The following EFCAB5 variants were observed in gnomAD, a reference collection of about 807,000 sequenced individuals.
EFCAB5 encodes the protein EF-hand calcium-binding domain-containing protein 5.
A neutral mutation model predicts 167.9 loss-of-function variants in EFCAB5; 131 were observed. That is an observed-to-expected ratio of 0.78 (90% CI 0.68 to 0.90). The LOEUF is 0.90. Ranked by LOEUF, EFCAB5 falls within the 40% of genes least tolerant of loss-of-function variation. The probability of loss-of-function intolerance (pLI) is 0.00; values close to 1 mark genes in which losing one functional copy is unlikely to be tolerated. For missense variants in EFCAB5, 1,663 were observed against 1,745.2 expected (o/e 0.95, Z 0.84); for synonymous variants, 574 against 602.8 (o/e 0.95, Z 0.70).
intron 7 of EFCAB5, among the ~76,000 whole-genome samples, chr17:30,026,031 AG>A (rs2069312142): frequency 7.1e-6 from 1 of 141,790 alleles, no homozygotes; most frequent in Non-Finnish European, 1.5e-5. Flanking sequence ...GGGTGGGCGG[AG>A]GGGGGAGGGA....
At chr17:30,054,178 T>A in intron 10 of EFCAB5, 30 bp downstream of exon 10, 1 of 1,485,096 alleles carries the variant, frequency 6.7e-7, no homozygotes, top group Non-Finnish European at 8.9e-7. Context: ...ACAACATCAG[T>A]TCCCTGTTTT....
rs756778065 is a variant in EFCAB5, at chr17:30,078,435, A to T, written c.2958A>T (p.Gln986His). ...SARRKWLHQI[Q>H]CAAETSGVSL... ...GGCGGAAATGGCTGCACCAAATCCA[A>T]TGTGCTGCAGAGACAAGTGGGGTGT... The change falls in exon 15 of 23, where the codon CAA becomes CAT. Residue 986 changes from glutamine to histidine, a missense_variant. Physicochemically the swap from Gln to His is conservative, Grantham distance 24 (BLOSUM62 0). Coordinates refer to ENST00000394835, the MANE Select transcript of EFCAB5 (RefSeq NM_198529.4). 1 of 1,613,944 alleles carries T rather than the reference A, an allele frequency of 6.2e-7. No individual in the cohort carries two copies. Among genetic ancestry groups the T allele is most frequent in the Non-Finnish European group, 8.5e-7 (1 of 1,179,858 alleles).
chr17:29,970,860 A>G (rs1404885332), intron 4 of EFCAB5, among the ~76,000 whole-genome samples: 1 of 152,152 alleles, frequency 6.6e-6, no homozygotes, highest in Admixed American at 6.5e-5. Context: ...TGATCACCTG[A>G]GGTCAGGAGT....
At chr17:29,963,286 T>C (rs1468917094) in intron 3 of EFCAB5, among the ~76,000 whole-genome samples, 14 of 152,192 alleles carry the variant, frequency 9.2e-5, no homozygotes, top group Non-Finnish European at 2.1e-4. Context: ...TTTAGGAATG[T>C]TCTCTCCATA....
At chr17:30,059,329 G>C in intron 13 of EFCAB5, 1 of 364,846 alleles carries the variant, frequency 2.7e-6, no homozygotes, top group Non-Finnish European at 4.8e-6. Context: ...CCAACTCCCG[G>C]CCTCAAGCGA....
rs759411723 is a variant in EFCAB5, at chr17:29,934,147, G to A, written c.-127+4818G>A. On this transcript the variant is annotated intron_variant, in intron 1 of 3. Coordinates refer to the EFCAB5 transcript ENST00000448319. ...TACAGGATTTTATGATTGAAATGAC[G>A]GCTTGCAGTTCTTGAATGAGACAGT... Among the ~76,000 whole-genome samples the A allele has an allele frequency of 6.6e-5, 10 of 152,190 alleles. No individual in the cohort carries two copies. The East Asian group carries it at 9.6e-4, about 15-fold the overall frequency.
intron 7 of EFCAB5, among the ~76,000 whole-genome samples, chr17:30,014,767 G>A (rs1258378241): frequency 6.6e-6 from 1 of 152,146 alleles, no homozygotes; most frequent in Non-Finnish European, 1.5e-5. Flanking sequence ...GCCAGTCTGT[G>A]TCTTTTAATT....
chr17:30,003,304 C>G (rs977301030), intron 7 of EFCAB5, among the ~76,000 whole-genome samples: 1 of 152,112 alleles, frequency 6.6e-6, no homozygotes, highest in African/African-American at 2.4e-5. Flanking sequence ...GGCATGATCG[C>G]GGCTCACTGC....
At chr17:29,987,025 T>C (rs1415291201) in intron 4 of EFCAB5, among the ~76,000 whole-genome samples, 1 of 152,220 alleles carries the variant, frequency 6.6e-6, no homozygotes, top group African/African-American at 2.4e-5. Context: ...CCAGGCATTA[T>C]TGCCAGCCAA....
intron 8 of EFCAB5, among the ~76,000 whole-genome samples, chr17:30,047,325 G>A (rs2069955794): frequency 6.6e-6 from 1 of 152,076 alleles, no homozygotes; most frequent in African/African-American, 2.4e-5. Flanking sequence ...ACATTCCCTT[G>A]AGAAATAACT....
At chr17:29,982,970 C>T (rs1209264642) in intron 4 of EFCAB5, among the ~76,000 whole-genome samples, 2 of 152,198 alleles carry the variant, frequency 1.3e-5, no homozygotes, top group South Asian at 4.1e-4. Context: ...AACACTCATT[C>T]ATATAGGAAA....
chr17:29,934,425 C>T (rs1237718675), intron 1 of EFCAB5, among the ~76,000 whole-genome samples: 1 of 152,136 alleles, frequency 6.6e-6, no homozygotes, highest in Non-Finnish European at 1.5e-5. Context: ...GTCTAATTTG[C>T]AGAGTTAGAT....
At position 29,969,122 on chromosome 17, in the gene EFCAB5, G is replaced by T. The variant is rs2067896574; in HGVS notation, c.522G>T (p.Leu174Phe). 2 of 1,613,682 alleles carry T rather than the reference G, an allele frequency of 1.2e-6. No homozygotes were observed. Among genetic ancestry groups the T allele is most frequent in the South Asian group, 1.1e-5 (1 of 91,064 alleles). Residue 174 changes from leucine (L) to phenylalanine (F), a missense_variant, in exon 4 of 23, where the codon TTG becomes TTT. Leu to Phe is a conservative substitution (Grantham distance 22, BLOSUM62 0). Coordinates refer to ENST00000394835, the MANE Select transcript of EFCAB5 (RefSeq NM_198529.4). ...DSMTLNNTAY[L>F]LDKLLPTLVP... ...TGACACTGAATAATACTGCATATTT[G>T]CTTGACAAACTTCTACCCACCTTAG...
chr17:29,961,991 A>G (rs2067728878), intron 3 of EFCAB5, among the ~76,000 whole-genome samples: 1 of 152,224 alleles, frequency 6.6e-6, no homozygotes. Context: ...TCACAAATCA[A>G]TTGACTATAT....
intron 14 of EFCAB5, chr17:30,068,750 G>A: frequency 7.0e-7 from 1 of 1,428,192 alleles, no homozygotes; most frequent in South Asian, 1.1e-5. Flanking sequence ...CTGTTCCGCA[G>A]GAGTCCCTGG....
intron 5 of EFCAB5, among the ~76,000 whole-genome samples, chr17:29,993,922 C>T (rs1327245236): frequency 6.6e-6 from 1 of 151,016 alleles, no homozygotes; most frequent in Admixed American, 6.6e-5. Context: ...AATTCGAGAC[C>T]AGCCTAGGCA....
chr17:29,930,232 C>T (rs1169660423), intron 1 of EFCAB5: 4 of 544,348 alleles, frequency 7.3e-6, no homozygotes, highest in Admixed American at 7.0e-5. Flanking sequence ...GCACAATGAG[C>T]GCTCCCAGTG....
At chr17:30,048,689 T>C (rs1235523690) in intron 8 of EFCAB5, among the ~76,000 whole-genome samples, 1 of 152,120 alleles carries the variant, frequency 6.6e-6, no homozygotes, top group East Asian at 1.9e-4. Flanking sequence ...GGTTTCACTG[T>C]GTTGGCCAGG....
rs1567723202 is a variant in EFCAB5 at position 30,026,373 on chromosome 17, T to G, written c.1045-7857T>G. Among the ~76,000 whole-genome samples, 12 of 152,180 alleles carry G rather than the reference T, an allele frequency of 7.9e-5. No individual in the cohort carries two copies. In the South Asian group the frequency reaches 2.5e-3, roughly 32 times the overall value. On this transcript the variant is annotated intron_variant, in intron 7 of 22. Coordinates refer to ENST00000394835, the MANE Select transcript of EFCAB5 (RefSeq NM_198529.4). Reference sequence around the variant, plus strand: ...CATTAGAAAAACAAGCTGCATTGTCTTGTGTTCAGGCCAAGAGTATGCAGG... The same window carrying G: ...CATTAGAAAAACAAGCTGCATTGTCGTGTGTTCAGGCCAAGAGTATGCAGG...
Sources: gnomAD v4.1 joint callset for allele counts (sites outside exome capture counted in the v4.1 genomes callset) on GRCh38, gnomAD v4.1.1 for gene constraint, MANE v1.5 for transcripts, NCBI Gene and HGNC (gene_info 2026-07-23, HGNC 2026-07-21) for gene names.